The following FAM98A variants were observed in gnomAD, a reference collection of about 807,000 sequenced individuals.
The protein encoded by FAM98A is tRNA splicing ligase complex subunit 3A.
In FAM98A, 25 loss-of-function variants were observed where a neutral mutation model predicts 62.9. The observed-to-expected ratio is 0.40, with a 90% CI of 0.29 to 0.56. FAM98A has a LOEUF of 0.56. FAM98A is among the 20% of genes least tolerant of loss of function. The probability of loss-of-function intolerance (pLI) is 0.51; values close to 1 mark genes in which losing one functional copy is unlikely to be tolerated. For synonymous variants in FAM98A, 252 were observed against 228.6 expected (o/e 1.10, Z -0.92); for missense variants, 653 against 640.7 (o/e 1.02, Z -0.21).
intron 2 of FAM98A, among the ~76,000 whole-genome samples, chr2:33,593,484 GACAGC>G (rs1677721140): frequency 6.6e-6 from 1 of 152,114 alleles, no homozygotes; most frequent in Non-Finnish European, 1.5e-5. Context: ...AAAATTTGAA[GACAGC>G]AAACATGACT....
chr2:33,595,231 G>C (rs543589676), intron 2 of FAM98A, among the ~76,000 whole-genome samples: 1 of 152,214 alleles, frequency 6.6e-6, no homozygotes, highest in East Asian at 1.9e-4. Flanking sequence ...TTCTATGCTT[G>C]TGGTCTCCAT....
chr2:33,584,759 T>C lies in FAM98A; in HGVS notation c.*17A>G, dbSNP rs11124323. ...TTCTATTACTTGAGCTCTAGCAAAA[T>C]GTAAGGTTCGGTAGCCTCAACTAGT... On this transcript the variant is annotated 3_prime_UTR_variant, in exon 8 of 8. Transcript: ENST00000238823. The C allele has an allele frequency of 2.6e-6, 4 of 1,559,432 alleles. No homozygotes were observed. Among genetic ancestry groups the C allele is most frequent in the Non-Finnish European group, 3.5e-6 (4 of 1,147,932 alleles).
At chr2:33,594,684 CATATAT>C (rs1367202662) in intron 2 of FAM98A, among the ~76,000 whole-genome samples, 3 of 19,382 alleles carry the variant, frequency 1.5e-4, no homozygotes, top group African/African-American at 7.3e-4. Context: ...TATATACACA[CATATAT>C]ATACACATAT....
At chr2:33,592,697 T>C (rs990008946) in intron 2 of FAM98A, among the ~76,000 whole-genome samples, 4 of 152,216 alleles carry the variant, frequency 2.6e-5, no homozygotes, top group Non-Finnish European at 5.9e-5. Context: ...TCAGTGTTCA[T>C]TAGGTCATTC....
In FAM98A at chr2:33,585,513, A is replaced by G; in HGVS notation, c.888+17T>C. On this transcript the variant is annotated intron_variant, in intron 7 of 7. Transcript: ENST00000238823. ...GAAATAAATGCATTTGGAAAAAATTAAAGGTACTCTAATCACCTTATTGAT... is the reference window on the plus strand; with the variant it reads ...GAAATAAATGCATTTGGAAAAAATTGAAGGTACTCTAATCACCTTATTGAT... 2 of 1,613,940 alleles carry G rather than the reference A, an allele frequency of 1.2e-6. No homozygotes were observed. The highest frequency in any genetic ancestry group is 2.2e-5 in the South Asian group (2 of 91,064).
intron 1 of FAM98A, among the ~76,000 whole-genome samples, chr2:33,597,624 G>A (rs756568618): frequency 7.9e-5 from 12 of 152,134 alleles, no homozygotes; most frequent in Non-Finnish European, 1.5e-4. Flanking sequence ...GGAAGAAACA[G>A]CATCCGTGGC....
At chr2:33,591,958 T>G in intron 3 of FAM98A, 122 bp downstream of exon 3, 2 of 945,956 alleles carry the variant, frequency 2.1e-6, no homozygotes, top group Non-Finnish European at 3.1e-6. Flanking sequence ...AAGTTTTATT[T>G]TAAAATGAAT....
In FAM98A at chr2:33,584,924, C is replaced by T. The variant is rs562691206; in HGVS notation, c.1409G>A (p.Arg470Gln). 13 of 1,608,318 alleles carry T rather than the reference C, an allele frequency of 8.1e-6. No homozygotes were observed. The highest frequency in any genetic ancestry group is 1.0e-5 in the Non-Finnish European group (12 of 1,177,624). ...GRGGRGGRGG[R>Q]GGRAGQGGGW... ...TCCTCCCTGGCCTGCACGACCACCT[C>T]GGCCTCCACGACCACCTCGCCCACC... Residue 470 changes from arginine to glutamine, a missense_variant, in exon 8 of 8, where the codon CGA becomes CAA. Transcript: ENST00000238823.
intron 3 of FAM98A, chr2:33,589,039 G>T (rs1677616759): frequency 6.6e-6 from 1 of 152,344 alleles, no homozygotes; most frequent in East Asian, 1.9e-4. Flanking sequence ...ACTCACAGGA[G>T]AAGCAGGAAG....
chr2:33,599,122 G>A (rs768938990), intron 1 of FAM98A, 47 bp downstream of exon 1: 3 of 1,536,198 alleles, frequency 2.0e-6, no homozygotes, highest in Admixed American at 1.7e-5. Flanking sequence ...TGTTCCCAGG[G>A]GGCCGGCAGC....
chr2:33,587,106 G>T, intron 5 of FAM98A, 134 bp downstream of exon 5: 1 of 573,274 alleles, frequency 1.7e-6, no homozygotes, highest in South Asian at 2.7e-5. Flanking sequence ...TTCACAAAAT[G>T]ATTCTAAGGG....
Position 33,585,565 on chromosome 2 carries a change from A to G in FAM98A, c.853T>C (p.Ser285Pro), listed in dbSNP as rs751896609. 3.7e-6 allele frequency: 6 copies of G among 1,614,160 alleles called. No individual in the cohort carries two copies. The highest frequency in any genetic ancestry group is 4.2e-6 in the Non-Finnish European group (5 of 1,180,030). Reference sequence around the variant, plus strand: ...GCACAGGCAGTCTTTTCTCTTATAGAGCCGCTGCTTGTCCTTAAAATCTTT... The same window carrying G: ...GCACAGGCAGTCTTTTCTCTTATAGGGCCGCTGCTTGTCCTTAAAATCTTT... ...LSKILRTSSGSIREKTACAIN... is the reference protein window; with the variant it reads ...LSKILRTSSGPIREKTACAIN... Residue 285 changes from serine (S) to proline (P), a missense_variant, in exon 7 of 8, where the codon TCT becomes CCT. Physicochemically the swap from Ser to Pro is moderately conservative, Grantham distance 74. Coordinates refer to ENST00000238823, the MANE Select transcript of FAM98A (RefSeq NM_015475.5).
intron 5 of FAM98A, 63 bp downstream of exon 5, chr2:33,587,177 T>C (rs1677574732): frequency 1.1e-5 from 11 of 1,016,162 alleles, no homozygotes; most frequent in Non-Finnish European, 1.7e-5. Flanking sequence ...ATGTAAGTGT[T>C]GACATGAAAA....
rs775939274 is a variant in FAM98A, at chr2:33,586,632, A to T, written c.650T>A (p.Val217Asp). The T allele has an allele frequency of 3.1e-6, 5 of 1,613,762 alleles. No individual in the cohort carries two copies. The highest frequency in any genetic ancestry group is 4.2e-6 in the Non-Finnish European group (5 of 1,179,760). Reference sequence around the variant, plus strand: ...ACGTTTTATTAGCAGCTTTCTCCGGACTTCATATTCATTGGCTATGGCTTG... The same window carrying T: ...ACGTTTTATTAGCAGCTTTCTCCGGTCTTCATATTCATTGGCTATGGCTTG... ...INQAIANEYEVRRKLLIKRLD... is the reference protein window; with the variant it reads ...INQAIANEYEDRRKLLIKRLD... The change falls in exon 6 of 8, where the codon GTC (valine) becomes GAC (aspartate). Residue 217 changes from valine to aspartate, a missense_variant. Val to Asp is a radical substitution (Grantham distance 152). Coordinates refer to ENST00000238823, the MANE Select transcript of FAM98A (RefSeq NM_015475.5).
Position 33,585,380 on chromosome 2 carries a change from T to C in FAM98A, c.953A>G (p.Glu318Gly). The change falls in exon 8 of 8, where the codon GAG (glutamate) becomes GGG (glycine). Residue 318 changes from glutamate to glycine, a missense_variant. By Grantham distance (98) the Glu-to-Gly change is moderately conservative. Coordinates refer to ENST00000238823, the MANE Select transcript of FAM98A (RefSeq NM_015475.5). ...RPNEIEPPPPEMPPWQKRQDG... is the reference protein window; with the variant it reads ...RPNEIEPPPPGMPPWQKRQDG... ...TTGCCTCTTCTGCCACGGTGGCATC[T>C]CTGGGGGTGGAGGTTCGATTTCATT... 4.3e-6 allele frequency: 7 copies of C among 1,614,162 alleles called. No individual in the cohort carries two copies. Among genetic ancestry groups the C allele is most frequent in the Non-Finnish European group, 5.9e-6 (7 of 1,180,014 alleles).
chr2:33,588,340 T>C lies in FAM98A; in HGVS notation c.517A>G (p.Lys173Glu). The C allele has an allele frequency of 6.2e-7, 1 of 1,610,336 alleles. No individual in the cohort carries two copies. The highest frequency in any genetic ancestry group is 1.1e-5 in the South Asian group (1 of 90,382). Residue 173 changes from lysine (K) to glutamate (E), a missense_variant, in exon 4 of 8, where the codon AAA (lysine) becomes GAA (glutamate). Lys to Glu is a moderately conservative substitution (Grantham distance 56). Coordinates refer to ENST00000238823, the MANE Select transcript of FAM98A (RefSeq NM_015475.5). Reference sequence around the variant, plus strand: ...TTTGGTACTAAAGGTCTTACTTTTTTTTCAATCCCGCTGAAGAATTGGAAC... The same window carrying C: ...TTTGGTACTAAAGGTCTTACTTTTTCTTCAATCCCGCTGAAGAATTGGAAC... ...TMFQFFSGIE[K>E]KLKETLAKVP...
chr2:33,595,692 A>T, intron 1 of FAM98A, 55 bp from the exon 2 acceptor site: 1 of 1,280,142 alleles, frequency 7.8e-7, no homozygotes, highest in South Asian at 1.5e-5. Flanking sequence ...CTAATATATT[A>T]CAGATAAAAC....
In FAM98A at chr2:33,584,623, C is replaced by T; in HGVS notation, c.*153G>A. The T allele has an allele frequency of 1.5e-6, 1 of 661,070 alleles. No homozygotes were observed. The highest frequency in any genetic ancestry group is 2.6e-6 in the Non-Finnish European group (1 of 382,528). 41.0% of individuals were successfully genotyped at this position (661,070 alleles called of 1,614,324 possible). A position where few individuals can be genotyped will look rare whatever the true frequency, so the allele number is the denominator to read the frequency against. On this transcript the variant is annotated 3_prime_UTR_variant, in exon 8 of 8. Coordinates refer to ENST00000238823, the MANE Select transcript of FAM98A (RefSeq NM_015475.5). ...ATGTAAGTCCAATAAAAAAATCTAA[C>T]AGAATTGAATGAAGACCTACAAATG...
At chr2:33,592,644 A>G (rs1677697574) in intron 2 of FAM98A, among the ~76,000 whole-genome samples, 1 of 152,184 alleles carries the variant, frequency 6.6e-6, no homozygotes, top group African/African-American at 2.4e-5. Flanking sequence ...TGCTGGGATT[A>G]CTACAGGCAT....
Sources: allele counts gnomAD v4.1 joint callset (sites outside exome capture counted in the v4.1 genomes callset), GRCh38; gene constraint gnomAD v4.1.1; transcripts MANE v1.5; gene names NCBI Gene and HGNC (gene_info 2026-07-23, HGNC 2026-07-21).